The following GPR89A variants were observed in gnomAD, a reference collection of about 807,000 sequenced individuals.
GPR89A encodes golgi pH regulator A.
GPR89A carries 16 observed loss-of-function variants against 52.0 expected under a neutral mutation model. The observed-to-expected ratio is 0.31, with a 90% CI of 0.21 to 0.47. The LOEUF is 0.47. GPR89A is among the 20% of genes least tolerant of loss of function. GPR89A has a pLI of 1.00. For missense variants in GPR89A, 135 were observed against 449.4 expected, an observed-to-expected ratio of 0.30 and a Z score of 6.33; for synonymous variants, 55 against 150.9, an observed-to-expected ratio of 0.36 and a Z score of 4.66.
At chr1:145,669,745 T>G (rs781923864) in intron 13 of GPR89A, 55 bp downstream of exon 13, 1 of 1,610,012 alleles carries the variant, frequency 6.2e-7, no homozygotes, top group South Asian at 1.1e-5. Context: ...AGAAATGTGC[T>G]TGATACTTTT....
intron 7 of GPR89A, among the ~76,000 whole-genome samples, chr1:145,634,782 A>C (rs1264062437): frequency 6.6e-6 from 1 of 151,462 alleles, no homozygotes; most frequent in Non-Finnish European, 1.5e-5. Context: ...TACTGAAATT[A>C]TTAATAGTCT....
intron 7 of GPR89A, among the ~76,000 whole-genome samples, chr1:145,643,156 T>C (rs1553692002): frequency 6.6e-6 from 1 of 151,150 alleles, no homozygotes; most frequent in Non-Finnish European, 1.5e-5. Flanking sequence ...GCTGGTTTTT[T>C]TTGTTTGTTT....
intron 7 of GPR89A, among the ~76,000 whole-genome samples, chr1:145,638,978 A>G (rs587638773): frequency 2.7e-5 from 4 of 149,834 alleles, no homozygotes; most frequent in Admixed American, 1.3e-4. Flanking sequence ...ATTTTTTTAA[A>G]TCAATTGTCT....
chr1:145,632,984 T>C (rs1477704330), intron 7 of GPR89A, among the ~76,000 whole-genome samples: 2 of 151,454 alleles, frequency 1.3e-5, no homozygotes, highest in Admixed American at 1.3e-4. Flanking sequence ...AGTTTGCAAT[T>C]CCTTAATGGC....
chr1:145,608,337 G>A (rs587627153), intron 1 of GPR89A, 162 bp downstream of exon 1: 16 of 1,154,242 alleles, frequency 1.4e-5, no homozygotes, highest in Admixed American at 2.1e-5. Flanking sequence ...TGCTGCGGCC[G>A]GTTCCCTCAG....
chr1:145,658,856 C>T (rs1383858530), intron 10 of GPR89A, among the ~76,000 whole-genome samples: 6 of 152,112 alleles, frequency 3.9e-5, no homozygotes, highest in Admixed American at 6.6e-5. Flanking sequence ...CAGCTCACTT[C>T]GATCTCTGCC....
chr1:145,609,663 C>A (rs1181435536), intron 1 of GPR89A, among the ~76,000 whole-genome samples: 2 of 152,160 alleles, frequency 1.3e-5, no homozygotes, highest in African/African-American at 4.8e-5. Flanking sequence ...TGCATTGCAG[C>A]CTCTACGATT....
rs587602406 is a variant in GPR89A, at chr1:145,649,991, A to G, written c.909+2724A>G. 2.1e-5 allele frequency among the ~76,000 whole-genome samples: 3 copies of G among 142,882 alleles called. No individual in the cohort carries two copies. The East Asian group carries it at 6.3e-4, about 30-fold the overall frequency. The allele number at this position is 142,882 out of a possible 152,430, so 93.7% of individuals were successfully genotyped here. ...CAAATCTTTTGCCAATTTTTTTTTA[A>G]TTTTAAGTTCTGAGGTACATGTGCA... On this transcript the variant is annotated intron_variant, in intron 10 of 13. Coordinates refer to ENST00000313835, the MANE Select transcript of GPR89A (RefSeq NM_001097612.2).
intron 11 of GPR89A, among the ~76,000 whole-genome samples, chr1:145,664,440 A>G (rs1323618098): frequency 3.3e-5 from 5 of 152,112 alleles, no homozygotes; most frequent in African/African-American, 1.2e-4. Flanking sequence ...ACTTGAGTCC[A>G]GGAGTTCAAG....
intron 8 of GPR89A, chr1:145,645,429 T>G: frequency 5.4e-6 from 2 of 371,182 alleles, no homozygotes; most frequent in South Asian, 4.1e-5. Context: ...TAATACGGGT[T>G]TGAGCTGTGT....
chr1:145,643,140 A>T (rs1242366498), intron 7 of GPR89A, among the ~76,000 whole-genome samples: 1 of 149,854 alleles, frequency 6.7e-6, no homozygotes, highest in Non-Finnish European at 1.5e-5. Flanking sequence ...TTAGTTAGGT[A>T]TGTTAGCTGG....
chr1:145,621,289 AATG>A (rs1649120461), intron 3 of GPR89A, among the ~76,000 whole-genome samples: 1 of 149,508 alleles, frequency 6.7e-6, no homozygotes, highest in African/African-American at 2.5e-5. Flanking sequence ...AGTAACAATA[AATG>A]ATAATTATGC....
chr1:145,623,189 A>G (rs1176900494), intron 4 of GPR89A, 29 bp downstream of exon 4: 2 of 1,612,332 alleles, frequency 1.2e-6, no homozygotes, highest in African/African-American at 1.3e-5. Flanking sequence ...CAGTCAGCAT[A>G]TAGATTGAGA....
At chr1:145,612,356 A>G (rs1273590013) in intron 1 of GPR89A, 1 of 152,034 alleles carries the variant, frequency 6.6e-6, no homozygotes, top group Non-Finnish European at 1.5e-5. Context: ...GGGTTCCCCT[A>G]CTCCGGTTTA....
At chr1:145,659,389 A>G (rs1553695121) in intron 10 of GPR89A, among the ~76,000 whole-genome samples, 3 of 149,374 alleles carry the variant, frequency 2.0e-5, no homozygotes, top group East Asian at 2.1e-4. Context: ...GTTTCACCAT[A>G]TTGGCCAGGC....
intron 7 of GPR89A, among the ~76,000 whole-genome samples, chr1:145,641,403 A>G (rs1366970271): frequency 6.6e-6 from 1 of 151,798 alleles, no homozygotes; most frequent in African/African-American, 2.4e-5. Flanking sequence ...CCTTGTAGTG[A>G]TGGAAATGTC....
intron 12 of GPR89A, among the ~76,000 whole-genome samples, chr1:145,667,755 G>A (rs1464556765): frequency 6.6e-6 from 1 of 152,046 alleles, no homozygotes; most frequent in African/African-American, 2.4e-5. Context: ...TGTATAAGGT[G>A]TAAGGAAGGG....
intron 7 of GPR89A, among the ~76,000 whole-genome samples, chr1:145,637,614 A>T (rs1571502225): frequency 6.7e-6 from 1 of 150,160 alleles, no homozygotes; most frequent in Middle Eastern, 3.4e-3. Flanking sequence ...ACCAATGTTC[A>T]AGATAAAAAG....
chr1:145,614,733 A>C (rs1406563399), intron 1 of GPR89A, among the ~76,000 whole-genome samples: 36 of 152,346 alleles, frequency 2.4e-4, no homozygotes, highest in Admixed American at 1.9e-3. Flanking sequence ...GATTATATAA[A>C]AAGCAATTTA....
Sources: allele counts gnomAD v4.1 joint callset (sites outside exome capture counted in the v4.1 genomes callset), GRCh38; gene constraint gnomAD v4.1.1; transcripts MANE v1.5; gene names NCBI Gene and HGNC (gene_info 2026-07-23, HGNC 2026-07-21).